GID8: variants seen among roughly 807,000 people sequenced by gnomAD.
The protein encoded by GID8 is GID complex subunit 8 homolog.
Under a neutral mutation model 27.4 loss-of-function variants are expected in GID8, and 6 were observed. The ratio of observed to expected loss-of-function variants is 0.22; its 90% CI spans 0.12 to 0.43. The LOEUF is 0.43. GID8 is among the 20% of genes least tolerant of loss of function. GID8 has a pLI of 1.00. For missense variants in GID8, 173 were observed against 287.6 expected (o/e 0.60, Z 2.88); for synonymous variants, 112 against 109.0 (o/e 1.03, Z -0.17).
intron 1 of GID8, among the ~76,000 whole-genome samples, chr20:62,940,349 A>T (rs2065437320): frequency 1.0e-5 from 1 of 98,652 alleles, no homozygotes; most frequent in Admixed American, 1.1e-4. Context: ...CATGCCCGGC[A>T]AATTTTTTTT....
In GID8 at chr20:62,946,270, G is replaced by A; in HGVS notation, c.*1358G>A. ...ATCTCGCCTTATTCTCAAGTAGCAA[G>A]GCATCTCGACAAGCATGGTCTAGGT... On this transcript the variant is annotated 3_prime_UTR_variant, in exon 5 of 5. Transcript: ENST00000266069. 1.5e-5 allele frequency: 5 copies of A among 332,966 alleles called. No individual in the cohort carries two copies. The highest frequency in any genetic ancestry group is 3.0e-5 in the Non-Finnish European group (5 of 167,640). 20.6% of individuals were successfully genotyped at this position (332,966 alleles called of 1,614,324 possible). A position where few individuals can be genotyped will look rare whatever the true frequency, so the allele number is the denominator to read the frequency against.
At position 62,941,982 on chromosome 20, in the gene GID8, G is replaced by A. The variant is rs538572714; in HGVS notation, c.118+362G>A. Reference sequence around the variant, plus strand: ...TCTGGAAAGTATGCCCAACTCAGAGGATGGGAATGGGGAAGAGCAGAAGCG... The same window carrying A: ...TCTGGAAAGTATGCCCAACTCAGAGAATGGGAATGGGGAAGAGCAGAAGCG... On this transcript the variant is annotated intron_variant, in intron 2 of 4. Coordinates refer to ENST00000266069, the MANE Select transcript of GID8 (RefSeq NM_017896.3). Among the ~76,000 whole-genome samples, 65 of 152,336 alleles carry A rather than the reference G, an allele frequency of 4.3e-4. 1 individual carries two copies. The South Asian group carries it at 0.013, about 31-fold the overall frequency.
At position 62,947,817 on chromosome 20, in the gene GID8, A is replaced by G. The variant is rs1215084394; in HGVS notation, c.*2905A>G. ...GTCAGGACGTGATCTGAAAACATGT[A>G]GAGAAGATGAGTTGAGGACAGCTTT... On this transcript the variant is annotated 3_prime_UTR_variant, in exon 5 of 5. Transcript: ENST00000266069. The G allele has an allele frequency of 6.6e-6, 1 of 152,210 alleles. No homozygotes were observed. Among genetic ancestry groups the G allele is most frequent in the African/African-American group, 2.4e-5 (1 of 41,432 alleles). The allele number at this position is 152,210 out of a possible 1,614,324, so 9.4% of individuals were successfully genotyped here.
rs936012161 is a variant in GID8, at chr20:62,943,309, G to C, written c.315+126G>C. On this transcript the variant is annotated intron_variant, in intron 3 of 4. Coordinates refer to ENST00000266069, the MANE Select transcript of GID8 (RefSeq NM_017896.3). This position sits in a 1 kb window ranked among gnomAD's most constrained non-coding sequence, Gnocchi z 4.7. Reference sequence around the variant, plus strand: ...TATTTCAATGCATGTGAGGGGGAGAGGTTTGAGTTTGCTCTTTTATGTAGT... The same window carrying C: ...TATTTCAATGCATGTGAGGGGGAGACGTTTGAGTTTGCTCTTTTATGTAGT... The C allele has an allele frequency of 1.1e-6, 1 of 926,860 alleles. No individual in the cohort carries two copies. The highest frequency in any genetic ancestry group is 1.6e-6 in the Non-Finnish European group (1 of 607,992). The allele number at this position is 926,860 out of a possible 1,614,324, so 57.4% of individuals were successfully genotyped here. A position where few individuals can be genotyped will look rare whatever the true frequency, so the allele number is the denominator to read the frequency against.
At chr20:62,938,297 C>T (rs2065415269) in intron 1 of GID8, 44 bp downstream of exon 1, 3 of 150,612 alleles carry the variant, frequency 2.0e-5, no homozygotes, top group Admixed American at 1.3e-4. Flanking sequence ...CCGAGCGTCT[C>T]CCGGGGCCGG....
chr20:62,948,029 G>A lies in GID8; in HGVS notation c.*3117G>A, dbSNP rs762893756. On this transcript the variant is annotated 3_prime_UTR_variant, in exon 5 of 5. Transcript: ENST00000266069. Reference sequence around the variant, plus strand: ...GCTAAATCTCAGTATGAACAGACCAGGCGGAAAGCTTGGTGGCCAAGCAGT... The same window carrying A: ...GCTAAATCTCAGTATGAACAGACCAAGCGGAAAGCTTGGTGGCCAAGCAGT... 1.3e-5 allele frequency: 2 copies of A among 152,236 alleles called. No homozygotes were observed. The highest frequency in any genetic ancestry group is 2.9e-5 in the Non-Finnish European group (2 of 68,054). 9.4% of individuals were successfully genotyped at this position (152,236 alleles called of 1,614,324 possible).
In GID8 at chr20:62,944,986, A is replaced by G; in HGVS notation, c.*74A>G. The G allele has an allele frequency of 6.6e-7, 1 of 1,512,126 alleles. No individual in the cohort carries two copies. Among genetic ancestry groups the G allele is most frequent in the Non-Finnish European group, 8.9e-7 (1 of 1,129,062 alleles). 93.7% of individuals were successfully genotyped at this position (1,512,126 alleles called of 1,614,324 possible). A position where few individuals can be genotyped will look rare whatever the true frequency, so the allele number is the denominator to read the frequency against. On this transcript the variant is annotated 3_prime_UTR_variant, in exon 5 of 5. Coordinates refer to ENST00000266069, the MANE Select transcript of GID8 (RefSeq NM_017896.3). ...TTGCCTCAGATCAGCCTGCGACTGC[A>G]AGATTCTTACTGCAGTAGAGAACTC...
At position 62,945,303 on chromosome 20, in the gene GID8, G is replaced by A; in HGVS notation, c.*391G>A. On this transcript the variant is annotated 3_prime_UTR_variant, in exon 5 of 5. Transcript: ENST00000266069. ...CATGATTCTGCTTTCTGTTAGCTTA[G>A]GCAGACATTGGGCCTTCACCTACAA... 1 of 1,003,134 alleles carries A rather than the reference G, an allele frequency of 1.0e-6. No individual in the cohort carries two copies. The highest frequency in any genetic ancestry group is 1.7e-5 in the African/African-American group (1 of 57,624). The allele number at this position is 1,003,134 out of a possible 1,614,324, so 62.1% of individuals were successfully genotyped here.
In GID8 at chr20:62,943,569, G is replaced by A. The variant is rs376041185; in HGVS notation, c.390G>A (p.Ala130=). ...TGGAGTTTGCACAGACTCAGCTGGC[G>A]GAGCAGGGCGAGGAGAGCCGAGAGT... ...AALEFAQTQL[A]EQGEESRECL... Residue 130 remains alanine (A), a synonymous_variant, in exon 4 of 5, where the codon GCG becomes GCA. Transcript: ENST00000266069. This position sits in a 1 kb window ranked among gnomAD's most constrained non-coding sequence, Gnocchi z 4.7. 19 of 1,613,604 alleles carry A rather than the reference G, an allele frequency of 1.2e-5. No individual in the cohort carries two copies. Among genetic ancestry groups the A allele is most frequent in the African/African-American group, 9.3e-5 (7 of 75,066 alleles).
chr20:62,939,999 C>T (rs948968113), intron 1 of GID8, among the ~76,000 whole-genome samples: 6 of 152,102 alleles, frequency 3.9e-5, no homozygotes, highest in Admixed American at 3.3e-4. Context: ...CCATTTGCCC[C>T]TCCCACAGGT....
In GID8 at chr20:62,945,228, G is replaced by T. The variant is rs1291516148; in HGVS notation, c.*316G>T. 9.0e-7 allele frequency: 1 copy of T among 1,111,172 alleles called. No individual in the cohort carries two copies. Among genetic ancestry groups the T allele is most frequent in the African/African-American group, 1.6e-5 (1 of 62,360 alleles). The allele number at this position is 1,111,172 out of a possible 1,614,324, so 68.8% of individuals were successfully genotyped here. A position where few individuals can be genotyped will look rare whatever the true frequency, so the allele number is the denominator to read the frequency against. ...CTGAAGGATTCGGTCTACCACGGAG[G>T]GCTGTGCTGTTAGGCTGCATCCCAC... On this transcript the variant is annotated 3_prime_UTR_variant, in exon 5 of 5. Coordinates refer to ENST00000266069, the MANE Select transcript of GID8 (RefSeq NM_017896.3).
chr20:62,944,218 A>G (rs1250549663), intron 4 of GID8, among the ~76,000 whole-genome samples: 3 of 152,146 alleles, frequency 2.0e-5, no homozygotes, highest in African/African-American at 7.2e-5. Context: ...CTGGTGTCTT[A>G]TATTTATCTG....
chr20:62,940,637 C>G (rs564841663), intron 1 of GID8, among the ~76,000 whole-genome samples: 1 of 152,200 alleles, frequency 6.6e-6, no homozygotes, highest in Non-Finnish European at 1.5e-5. Context: ...GCGTGAGCCA[C>G]CGCGCCCGGC....
chr20:62,939,459 G>C (rs747900146), intron 1 of GID8, among the ~76,000 whole-genome samples: 4 of 140,922 alleles, frequency 2.8e-5, no homozygotes, highest in South Asian at 2.2e-4. Context: ...CATGTTTTCA[G>C]CTCTGAGCTC....
Position 62,941,370 on chromosome 20 carries a change from A to C in GID8, c.-12-121A>C, listed in dbSNP as rs983337976. The C allele has an allele frequency of 5.4e-5, 34 of 632,646 alleles. No individual in the cohort carries two copies. The African/African-American group carries it at 6.2e-4, about 12-fold the overall frequency. The allele number at this position is 632,646 out of a possible 1,614,324, so 39.2% of individuals were successfully genotyped here. On this transcript the variant is annotated intron_variant, in intron 1 of 4. Transcript: ENST00000266069. ...CTCAGTCTGGTGGGTGTCCCACGGC[A>C]GCGTTGTCTTTCCGTACATGCTCAG...
At chr20:62,940,523 G>A (rs2065438598) in intron 1 of GID8, among the ~76,000 whole-genome samples, 1 of 152,026 alleles carries the variant, frequency 6.6e-6, no homozygotes, top group South Asian at 2.1e-4. Context: ...CTAATTTTTT[G>A]TATTTTTAGT....
Position 62,944,813 on chromosome 20 carries a change from G to A in GID8, c.588G>A (p.Leu196=), listed in dbSNP as rs1346607263. The change falls in exon 5 of 5, where the codon CTG becomes CTA. Residue 196 remains leucine (L), a synonymous_variant. Coordinates refer to ENST00000266069, the MANE Select transcript of GID8 (RefSeq NM_017896.3). ...CAACACCCAAACTGGCAAAATTACT[G>A]AAACTACTACTTTGGGCTCAGAACG... ...RESTPKLAKL[L]KLLLWAQNEL... The A allele has an allele frequency of 1.9e-6, 3 of 1,614,072 alleles. No individual in the cohort carries two copies. Among genetic ancestry groups the A allele is most frequent in the African/African-American group, 2.7e-5 (2 of 74,928 alleles).
chr20:62,944,943 AGCCCT>A lies in GID8; in HGVS notation c.*34_*38del, dbSNP rs2065459494. 1 of 1,585,954 alleles carries A rather than the reference AGCCCT, an allele frequency of 6.3e-7. No homozygotes were observed. Among genetic ancestry groups the A allele is most frequent in the Non-Finnish European group, 8.6e-7 (1 of 1,164,752 alleles). ...GCGCTTGCGTGGTGGATCCAACACC[AGCCCT>A]GCGTCGTGGGACTTGCCTCAGATCA... On this transcript the variant is annotated 3_prime_UTR_variant, in exon 5 of 5. Transcript: ENST00000266069.
At chr20:62,940,872 C>T (rs1281751376) in intron 1 of GID8, among the ~76,000 whole-genome samples, 1 of 152,210 alleles carries the variant, frequency 6.6e-6, no homozygotes, top group Non-Finnish European at 1.5e-5. Context: ...GTTTAATAGC[C>T]TCTACCACTT....
Sources: allele counts gnomAD v4.1 joint callset (sites outside exome capture counted in the v4.1 genomes callset), GRCh38; gene constraint gnomAD v4.1.1; non-coding constraint Gnocchi (gnomAD v3.1); transcripts MANE v1.5; gene names NCBI Gene and HGNC (gene_info 2026-07-23, HGNC 2026-07-21).